Variants in CYRIA observed in about 807,000 individuals in gnomAD.
CYRIA encodes the protein CYFIP-related Rac1 interactor A.
A neutral mutation model predicts 43.9 loss-of-function variants in CYRIA; 15 were observed. That is an observed-to-expected ratio of 0.34 (90% CI 0.23 to 0.53). CYRIA has a LOEUF of 0.53. Ranked by LOEUF, CYRIA falls within the 20% of genes least tolerant of loss-of-function variation. The pLI is 0.94. For synonymous variants in CYRIA, 117 were observed against 136.0 expected, an observed-to-expected ratio of 0.86 and a Z score of 0.97; for missense variants, 236 against 394.2, an observed-to-expected ratio of 0.60 and a Z score of 3.40.
intron 2 of CYRIA, among the ~76,000 whole-genome samples, chr2:16,617,829 A>G (rs1040027108): frequency 3.9e-5 from 6 of 152,224 alleles, no homozygotes; most frequent in Non-Finnish European, 7.3e-5. Flanking sequence ...CTTAAAGACA[A>G]GTTCAGAGAT....
rs200223316 is a variant in CYRIA at position 16,588,440 on chromosome 2, A to AAC, written c.-10-312_-10-311insGT. On this transcript the variant is annotated intron_variant, in intron 2 of 11. Transcript: ENST00000381323. Reference sequence around the variant, plus strand: ...TCTCGTTCACCATATAAAAAAAAAAAAACATAAAGAACAGCCTATGAAAAG... The same window carrying AAC: ...TCTCGTTCACCATATAAAAAAAAAAAACAACATAAAGAACAGCCTATGAAAAG... 4.9e-3 allele frequency among the ~76,000 whole-genome samples: 746 copies of AAC among 152,064 alleles called. 9 individuals are homozygous for AAC. Among genetic ancestry groups the AAC allele is most frequent in the African/African-American group, 0.016 (665 of 41,478 alleles).
chr2:16,601,711 C>CA (rs57235858), intron 2 of CYRIA, among the ~76,000 whole-genome samples: 34,638 of 123,516 alleles, frequency 0.28, 4,360 homozygotes, highest in Admixed American at 0.37. Flanking sequence ...TTTCCAGTTT[C>CA]AAAAAAAAAA....
chr2:16,659,302 A>G (rs2103557634), intron 1 of CYRIA, among the ~76,000 whole-genome samples: 2 of 152,350 alleles, frequency 1.3e-5, no homozygotes, highest in Admixed American at 1.3e-4. Flanking sequence ...ATGTGGTTTC[A>G]GATACCAGCT....
chr2:16,646,821 A>G (rs1303800974), intron 1 of CYRIA, among the ~76,000 whole-genome samples: 2 of 147,718 alleles, frequency 1.4e-5, no homozygotes, highest in African/African-American at 5.4e-5. Context: ...AAGGTGAATT[A>G]AAGGGGGGGG....
chr2:16,584,090 TC>T (rs1194828502), intron 3 of CYRIA, among the ~76,000 whole-genome samples: 3 of 152,146 alleles, frequency 2.0e-5, no homozygotes, highest in Non-Finnish European at 1.5e-5. Flanking sequence ...CTTCCCACCA[TC>T]TCTTCCTCCT....
chr2:16,639,936 A>G (rs557895700), intron 1 of CYRIA, among the ~76,000 whole-genome samples: 3 of 152,272 alleles, frequency 2.0e-5, no homozygotes, highest in South Asian at 4.1e-4. Flanking sequence ...ACTCTTTTCC[A>G]CCATAAGGGC....
At chr2:16,636,464 C>A (rs746729993) in intron 1 of CYRIA, among the ~76,000 whole-genome samples, 1 of 152,204 alleles carries the variant, frequency 6.6e-6, no homozygotes, top group African/African-American at 2.4e-5. Flanking sequence ...ACCTGGGCAA[C>A]TCTCTGCCCA....
At chr2:16,575,568 G>A (rs1667302299) in intron 3 of CYRIA, among the ~76,000 whole-genome samples, 1 of 152,082 alleles carries the variant, frequency 6.6e-6, no homozygotes, top group South Asian at 2.1e-4. Flanking sequence ...ATAAAGAGCA[G>A]TTCCCGGCCG....
At chr2:16,592,789 T>C (rs954951253) in intron 2 of CYRIA, among the ~76,000 whole-genome samples, 1 of 152,118 alleles carries the variant, frequency 6.6e-6, no homozygotes, top group Non-Finnish European at 1.5e-5. Flanking sequence ...TTTTTCCTTG[T>C]TTTTCAATCA....
At chr2:16,563,456 T>C (rs1198265477) in intron 5 of CYRIA, among the ~76,000 whole-genome samples, 1 of 152,172 alleles carries the variant, frequency 6.6e-6, no homozygotes, top group Non-Finnish European at 1.5e-5. Context: ...GCATCCTCCC[T>C]GGGGAGTGAT....
chr2:16,623,189 G>C (rs1234737572), intron 2 of CYRIA: 1 of 152,180 alleles, frequency 6.6e-6, no homozygotes, highest in Non-Finnish European at 1.5e-5. Context: ...CTGAACGCTT[G>C]ACCAAACTTT....
intron 2 of CYRIA, among the ~76,000 whole-genome samples, chr2:16,590,780 A>G (rs1449338270): frequency 6.6e-6 from 1 of 152,184 alleles, no homozygotes; most frequent in African/African-American, 2.4e-5. Flanking sequence ...CTCTAGAACA[A>G]TGACTGTGGA....
intron 3 of CYRIA, among the ~76,000 whole-genome samples, chr2:16,569,834 A>G (rs565196276): frequency 1.2e-4 from 18 of 152,342 alleles, no homozygotes; most frequent in Non-Finnish European, 2.2e-4. Flanking sequence ...GACTCTGGTC[A>G]TATCTGTTTC....
At chr2:16,643,800 C>T (rs1363196631) in intron 1 of CYRIA, among the ~76,000 whole-genome samples, 1 of 152,186 alleles carries the variant, frequency 6.6e-6, no homozygotes, top group Admixed American at 6.5e-5. Context: ...GAATGAATGC[C>T]TTCTGAGCAT....
chr2:16,627,864 T>C (rs1196122713), intron 1 of CYRIA, among the ~76,000 whole-genome samples: 4 of 152,142 alleles, frequency 2.6e-5, no homozygotes, highest in Non-Finnish European at 5.9e-5. Context: ...TTGGTGTTTA[T>C]ACAGCATGGC....
chr2:16,578,196 G>A (rs1187400342), intron 3 of CYRIA, among the ~76,000 whole-genome samples: 6 of 152,134 alleles, frequency 3.9e-5, no homozygotes, highest in Non-Finnish European at 7.3e-5. Flanking sequence ...AGTGAACCAC[G>A]TATAACAAGC....
intron 1 of CYRIA, among the ~76,000 whole-genome samples, chr2:16,627,986 G>A (rs991472465): frequency 2.6e-4 from 39 of 152,186 alleles, no homozygotes; most frequent in African/African-American, 8.7e-4. Context: ...GCAGGCAGGC[G>A]GTTCCCTTTC....
chr2:16,610,658 T>G (rs543387804), intron 2 of CYRIA, among the ~76,000 whole-genome samples: 71 of 152,202 alleles, frequency 4.7e-4, no homozygotes, highest in Non-Finnish European at 4.1e-4. Context: ...TTCGGCAGCC[T>G]ATGTGTACTG....
intron 1 of CYRIA, among the ~76,000 whole-genome samples, chr2:16,629,992 G>T (rs566190195): frequency 6.6e-6 from 1 of 152,196 alleles, no homozygotes; most frequent in Non-Finnish European, 1.5e-5. Flanking sequence ...CTAACTGGGA[G>T]TGGCCGTGGC....
Sources: gnomAD v4.1 joint callset for allele counts (sites outside exome capture counted in the v4.1 genomes callset) on GRCh38, gnomAD v4.1.1 for gene constraint, MANE v1.5 for transcripts, NCBI Gene and HGNC (gene_info 2026-07-23, HGNC 2026-07-21) for gene names.